The following NLE1 variants were observed in gnomAD, a reference collection of about 807,000 sequenced individuals.
NLE1 encodes the protein notchless protein homolog 1.
A neutral mutation model predicts 62.8 loss-of-function variants in NLE1; 37 were observed. The observed-to-expected ratio is 0.59, with a 90% CI of 0.45 to 0.78. NLE1 has a LOEUF of 0.78. NLE1 is among the 30% of genes least tolerant of loss of function. The pLI, the probability that NLE1 is intolerant of heterozygous loss-of-function variation, is 0.00. For missense variants in NLE1, 555 were observed against 637.9 expected, an observed-to-expected ratio of 0.87 and a Z score of 1.40; for synonymous variants, 243 against 253.0, an observed-to-expected ratio of 0.96 and a Z score of 0.37.
intron 4 of NLE1, 35 bp from the exon 5 acceptor site, chr17:35,137,925 C>T (rs766951933): frequency 1.3e-6 from 2 of 1,541,952 alleles, no homozygotes; most frequent in Admixed American, 1.7e-5. Context: ...TAAGGGACTA[C>T]ATCTGTCTTT....
chr17:35,137,400 C>G, intron 6 of NLE1, 143 bp downstream of exon 6: 1 of 830,132 alleles, frequency 1.2e-6, no homozygotes, highest in South Asian at 1.7e-5. Flanking sequence ...GCCCGAGACC[C>G]TTCTCCCATG....
chr17:35,130,050 G>A lies in NLE1; in HGVS notation c.*2387C>T. On this transcript the variant is annotated 3_prime_UTR_variant, in exon 13 of 13. Coordinates refer to ENST00000442241, the MANE Select transcript of NLE1 (RefSeq NM_018096.5). The stretch of plus-strand genomic sequence containing the variant: ...GCCTGGGTATGGGGTAGGGGTATGG[G>A]GGTATAGAGGCCTGAGTACAGACAG... 1 of 1,408,296 alleles carries A rather than the reference G, an allele frequency of 7.1e-7. No homozygotes were observed. Among genetic ancestry groups the A allele is most frequent in the South Asian group, 1.6e-5 (1 of 63,064 alleles). The allele number at this position is 1,408,296 out of a possible 1,614,324, so 87.2% of individuals were successfully genotyped here. A position where few individuals can be genotyped will look rare whatever the true frequency, so the allele number is the denominator to read the frequency against.
chr17:35,136,659 T>C (rs922837429), intron 7 of NLE1, among the ~76,000 whole-genome samples, 162 bp from the exon 8 acceptor site: 1 of 152,138 alleles, frequency 6.6e-6, no homozygotes, highest in African/African-American at 2.4e-5. Context: ...ACTTGTAAAA[T>C]GGAGTCCAGA....
intron 3 of NLE1, 33 bp from the exon 4 acceptor site, chr17:35,139,347 C>T: frequency 2.6e-6 from 4 of 1,556,934 alleles, no homozygotes; most frequent in Non-Finnish European, 3.5e-6. Context: ...TGACACTGCA[C>T]ATGTGCATTT....
In NLE1 at chr17:35,133,141, T is replaced by C. The variant is rs2306509; in HGVS notation, c.1445+30A>G. The C allele has an allele frequency of 5.7e-3, 9,232 of 1,606,174 alleles. 390 individuals carry two copies. In the East Asian group the frequency reaches 0.11, roughly 19 times the overall value. Reference sequence around the variant, plus strand: ...GGACCTTAGGGGTAGGAGGGCTGTGTATGCCAACCACCACTTCCCCCACAC... The same window carrying C: ...GGACCTTAGGGGTAGGAGGGCTGTGCATGCCAACCACCACTTCCCCCACAC... On this transcript the variant is annotated intron_variant, in intron 12 of 12. Transcript: ENST00000442241.
intron 10 of NLE1, 186 bp downstream of exon 10, chr17:35,135,063 A>AAAACAAAC (rs202154326): frequency 5.8e-6 from 4 of 693,628 alleles, no homozygotes; most frequent in African/African-American, 5.3e-5. Flanking sequence ...GTCATCTCTA[A>AAAACAAAC]AAACAAACAA....
chr17:35,129,722 T>C lies in NLE1; in HGVS notation c.*2715A>G. 3.8e-6 allele frequency: 6 copies of C among 1,567,350 alleles called. No individual in the cohort carries two copies. Among genetic ancestry groups the C allele is most frequent in the Non-Finnish European group, 5.2e-6 (6 of 1,156,908 alleles). On this transcript the variant is annotated 3_prime_UTR_variant, in exon 13 of 13. Coordinates refer to ENST00000442241, the MANE Select transcript of NLE1 (RefSeq NM_018096.5). ...AAGTCCAAAGCCAGGGAACCAGGGCTTTGGAGGTTGGGAACACCCCTATGC... is the reference window on the plus strand; with the variant it reads ...AAGTCCAAAGCCAGGGAACCAGGGCCTTGGAGGTTGGGAACACCCCTATGC...
chr17:35,130,098 T>C lies in NLE1; in HGVS notation c.*2339A>G. ...CAGCCCTTTGGTTGGAAATATCCCA[T>C]AATGAGGAGGTACAGGCTTGAGTCA... On this transcript the variant is annotated 3_prime_UTR_variant, in exon 13 of 13. Transcript: ENST00000442241. 7.0e-7 allele frequency: 1 copy of C among 1,427,298 alleles called. No homozygotes were observed. The highest frequency in any genetic ancestry group is 9.1e-7 in the Non-Finnish European group (1 of 1,096,010). 88.4% of individuals were successfully genotyped at this position (1,427,298 alleles called of 1,614,324 possible). A position where few individuals can be genotyped will look rare whatever the true frequency, so the allele number is the denominator to read the frequency against.
rs746868835 is a variant in NLE1, at chr17:35,136,507, A to C, written c.829-10T>G. On this transcript the variant is annotated splice_polypyrimidine_tract_variant and intron_variant, in intron 7 of 12. Transcript: ENST00000442241. ...TCCGGCACAGCACACCCTACGGGAG[A>C]GCGAGTCAGGTCAGACACACACACT... The C allele has an allele frequency of 1.3e-5, 21 of 1,605,902 alleles. No homozygotes were observed. The highest frequency in any genetic ancestry group is 1.6e-5 in the Non-Finnish European group (19 of 1,174,124).
At position 35,131,486 on chromosome 17, in the gene NLE1, G is replaced by A. The variant is rs1196892434; in HGVS notation, c.*951C>T. 2.0e-5 allele frequency: 3 copies of A among 152,282 alleles called. No individual in the cohort carries two copies. Among genetic ancestry groups the A allele is most frequent in the African/African-American group, 7.2e-5 (3 of 41,468 alleles). The allele number at this position is 152,282 out of a possible 1,614,324, so 9.4% of individuals were successfully genotyped here. A position where few individuals can be genotyped will look rare whatever the true frequency, so the allele number is the denominator to read the frequency against. ...GGCAAGATCTCGGCCTGGGGTCTGA[G>A]TCCTGATGGGAATTCCTTTCACTGC... On this transcript the variant is annotated 3_prime_UTR_variant, in exon 13 of 13. Transcript: ENST00000442241.
At chr17:35,138,296 T>C (rs1184087538) in intron 4 of NLE1, among the ~76,000 whole-genome samples, 1 of 152,178 alleles carries the variant, frequency 6.6e-6, no homozygotes, top group East Asian at 1.9e-4. Flanking sequence ...ATAGCAGTGG[T>C]TCTTCAAGTG....
intron 3 of NLE1, 139 bp from the exon 4 acceptor site, chr17:35,139,453 T>C (rs577010148): frequency 3.1e-4 from 217 of 691,754 alleles, no homozygotes; most frequent in Non-Finnish European, 4.9e-4. Flanking sequence ...TGCTGTCCTC[T>C]GGGAGAATAC....
chr17:35,141,254 G>A (rs1170942025), intron 2 of NLE1, among the ~76,000 whole-genome samples: 3 of 152,072 alleles, frequency 2.0e-5, no homozygotes, highest in African/African-American at 7.2e-5. Flanking sequence ...TGGCTTAAAG[G>A]TTAAAAGCAA....
At position 35,129,948 on chromosome 17, in the gene NLE1, G is replaced by A; in HGVS notation, c.*2489C>T. The A allele has an allele frequency of 7.3e-7, 1 of 1,373,900 alleles. No individual in the cohort carries two copies. The highest frequency in any genetic ancestry group is 1.7e-5 in the South Asian group (1 of 59,530). 85.1% of individuals were successfully genotyped at this position (1,373,900 alleles called of 1,614,324 possible). ...ACTCTGCAATTCAGTGCCCATGATT[G>A]TGAGTAGGCTGGGAAGTCAAGGGCA... On this transcript the variant is annotated 3_prime_UTR_variant, in exon 13 of 13. Coordinates refer to ENST00000442241, the MANE Select transcript of NLE1 (RefSeq NM_018096.5).
In NLE1 at chr17:35,142,035, G is replaced by A. The variant is rs1245778850; in HGVS notation, c.106C>T (p.Pro36Ser). The A allele has an allele frequency of 2.1e-5, 34 of 1,610,684 alleles. No individual in the cohort carries two copies. Among genetic ancestry groups the A allele is most frequent in the Non-Finnish European group, 2.7e-5 (32 of 1,179,176 alleles). The change falls in exon 2 of 13, where the codon CCC (proline) becomes TCC (serine). Residue 36 changes from proline to serine, a missense_variant. Pro to Ser is a moderately conservative substitution (Grantham distance 74). Transcript: ENST00000442241. Reference sequence around the variant, plus strand: ...AGCCTGTCCGGGGTGATGTCCACGGGCACGTCGAACGGGGAACCCAGCAGC... The same window carrying A: ...AGCCTGTCCGGGGTGATGTCCACGGACACGTCGAACGGGGAACCCAGCAGC... ...GQLLGSPFDV[P>S]VDITPDRLQL...
Position 35,129,366 on chromosome 17 carries a change from G to A in NLE1, c.*3071C>T. 1.9e-6 allele frequency: 3 copies of A among 1,581,698 alleles called. No homozygotes were observed. The highest frequency in any genetic ancestry group is 1.7e-6 in the Non-Finnish European group (2 of 1,161,230). On this transcript the variant is annotated 3_prime_UTR_variant, in exon 13 of 13. Transcript: ENST00000442241. ...TCCTGACCCCAGTTGGGAGGGTGAA[G>A]GGACAGGAAGGACAGGACATATCTG...
rs2091864102 is a variant in NLE1 at position 35,129,593 on chromosome 17, T to TG, written c.*2843dup. ...GCTGATGGAGCTAAAGCCTAACACG[T>TG]GTTACTGCCTCAGTGTCCGTGCAGC... On this transcript the variant is annotated 3_prime_UTR_variant, in exon 13 of 13. Transcript: ENST00000442241. 1 of 1,614,020 alleles carries TG rather than the reference T, an allele frequency of 6.2e-7. No individual in the cohort carries two copies. Among genetic ancestry groups the TG allele is most frequent in the African/African-American group, 1.3e-5 (1 of 74,892 alleles).
At chr17:35,139,670 C>T in intron 3 of NLE1, 179 bp downstream of exon 3, 2 of 839,746 alleles carry the variant, frequency 2.4e-6, no homozygotes, top group Non-Finnish European at 3.6e-6. Context: ...GGTCCTTAAG[C>T]AGCCTTTGGG....
chr17:35,137,907 G>A lies in NLE1; in HGVS notation c.461-17C>T. On this transcript the variant is annotated splice_polypyrimidine_tract_variant and intron_variant, in intron 4 of 12. Coordinates refer to ENST00000442241, the MANE Select transcript of NLE1 (RefSeq NM_018096.5). Reference sequence around the variant, plus strand: ...GTCTGTGTCCTAAGAAAGCAGAGGAGGGAGAAATAAGGGACTACATCTGTC... The same window carrying A: ...GTCTGTGTCCTAAGAAAGCAGAGGAAGGAGAAATAAGGGACTACATCTGTC... 6.2e-7 allele frequency: 1 copy of A among 1,601,832 alleles called. No homozygotes were observed. The highest frequency in any genetic ancestry group is 8.5e-7 in the Non-Finnish European group (1 of 1,170,130).
Sources: gnomAD v4.1 joint callset for allele counts (sites outside exome capture counted in the v4.1 genomes callset) on GRCh38, gnomAD v4.1.1 for gene constraint, MANE v1.5 for transcripts, NCBI Gene and HGNC (gene_info 2026-07-23, HGNC 2026-07-21) for gene names.